Variants in TSPAN18 observed in about 807,000 individuals in gnomAD.
TSPAN18 encodes the protein tetraspanin 18.
TSPAN18 carries 14 observed loss-of-function variants against 27.3 expected under a neutral mutation model. The observed-to-expected ratio is 0.51, with a 90% CI of 0.34 to 0.80. The LOEUF (loss-of-function observed/expected upper bound fraction) is 0.80, where lower values mean the gene tolerates loss of function less well. Among genes scored for constraint, TSPAN18 ranks in the 30% least tolerant of loss-of-function variants. The probability of loss-of-function intolerance (pLI) is 0.01; values close to 1 mark genes in which losing one functional copy is unlikely to be tolerated. For synonymous variants in TSPAN18, 143 were observed against 136.5 expected, an observed-to-expected ratio of 1.05 and a Z score of -0.33; for missense variants, 268 against 323.9, an observed-to-expected ratio of 0.83 and a Z score of 1.32.
chr11:44,767,269 G>C (rs1336285406), intron 2 of TSPAN18, among the ~76,000 whole-genome samples: 1 of 152,168 alleles, frequency 6.6e-6, no homozygotes, highest in Non-Finnish European at 1.5e-5. Context: ...ATCTTTACTG[G>C]AGTCTTTCTG....
At chr11:44,917,832 C>G (rs535716759) in intron 5 of TSPAN18, 140 bp from the exon 6 acceptor site, 3 of 677,226 alleles carry the variant, frequency 4.4e-6, no homozygotes, top group Non-Finnish European at 7.7e-6. Context: ...TGAAAAATGT[C>G]TGATAGCAGT....
intron 2 of TSPAN18, among the ~76,000 whole-genome samples, chr11:44,812,306 A>G (rs1327014892): frequency 6.6e-6 from 1 of 152,156 alleles, no homozygotes; most frequent in East Asian, 1.9e-4. Context: ...CATGAGTGCT[A>G]GCTTGTAATG....
chr11:44,900,445 C>A (rs1463150918), intron 3 of TSPAN18, among the ~76,000 whole-genome samples: 2 of 152,188 alleles, frequency 1.3e-5, no homozygotes, highest in African/African-American at 4.8e-5. Context: ...AATTCTGGCT[C>A]AGGCACTTCT....
chr11:44,907,333 C>T (rs1259623993), intron 4 of TSPAN18, among the ~76,000 whole-genome samples: 4 of 152,290 alleles, frequency 2.6e-5, no homozygotes, highest in Middle Eastern at 3.4e-3. Flanking sequence ...GATCTTAGTA[C>T]AGCCAAGACC....
intron 8 of TSPAN18, among the ~76,000 whole-genome samples, chr11:44,925,981 A>G (rs1042037452): frequency 2.6e-5 from 4 of 152,030 alleles, no homozygotes; most frequent in South Asian, 2.1e-4. Context: ...CTCGATCTCG[A>G]TCTCTGTCTC....
intron 2 of TSPAN18, among the ~76,000 whole-genome samples, chr11:44,785,708 A>G (rs1021318717): frequency 1.3e-5 from 2 of 151,880 alleles, no homozygotes; most frequent in African/African-American, 4.8e-5. Flanking sequence ...CAGTCTATGT[A>G]TTTTGGGTCT....
chr11:44,901,045 A>T (rs964766928), intron 3 of TSPAN18, among the ~76,000 whole-genome samples: 8 of 152,162 alleles, frequency 5.3e-5, no homozygotes, highest in Admixed American at 3.3e-4. Context: ...ATTCAGTTGT[A>T]TGCAGTTTAG....
intron 1 of TSPAN18, among the ~76,000 whole-genome samples, chr11:44,734,941 G>T (rs577786091): frequency 8.5e-5 from 13 of 152,346 alleles, no homozygotes; most frequent in African/African-American, 3.1e-4. Flanking sequence ...AGCCCTTGGG[G>T]AATGAGGCAT....
intron 1 of TSPAN18, among the ~76,000 whole-genome samples, chr11:44,732,266 G>A (rs1413332478): frequency 6.6e-6 from 1 of 152,216 alleles, no homozygotes; most frequent in Non-Finnish European, 1.5e-5. Context: ...TTATCATGGG[G>A]CAGACACTTG....
chr11:44,845,784 T>C (rs1857467022), intron 2 of TSPAN18, among the ~76,000 whole-genome samples: 1 of 152,186 alleles, frequency 6.6e-6, no homozygotes, highest in African/African-American at 2.4e-5. Context: ...TGCCGTCTCC[T>C]TGACACTCTC....
At chr11:44,795,702 C>T (rs180750603) in intron 2 of TSPAN18, among the ~76,000 whole-genome samples, 96 of 151,818 alleles carry the variant, frequency 6.3e-4, no homozygotes, top group African/African-American at 2.1e-3. Context: ...CCCCAGGAGC[C>T]GGAAGAAAGG....
At chr11:44,731,999 C>T (rs985071638) in intron 1 of TSPAN18, among the ~76,000 whole-genome samples, 4 of 152,232 alleles carry the variant, frequency 2.6e-5, no homozygotes, top group Non-Finnish European at 4.4e-5. Context: ...AAGACACTTT[C>T]GACTTTAAGA....
chr11:44,807,125 A>G (rs1856608974), intron 2 of TSPAN18, among the ~76,000 whole-genome samples: 1 of 147,788 alleles, frequency 6.8e-6, no homozygotes, highest in African/African-American at 2.5e-5. Flanking sequence ...TGGGAGACCA[A>G]AGTGGGAGGA....
chr11:44,885,014 A>G (rs1858600753), intron 3 of TSPAN18, among the ~76,000 whole-genome samples: 1 of 152,228 alleles, frequency 6.6e-6, no homozygotes, highest in Admixed American at 6.5e-5. Flanking sequence ...GTTGTCCCAG[A>G]GTCATGCCCA....
chr11:44,927,261 A>G (rs1259828582), intron 9 of TSPAN18, among the ~76,000 whole-genome samples: 1 of 152,146 alleles, frequency 6.6e-6, no homozygotes, highest in African/African-American at 2.4e-5. Context: ...ACCGTTTGCA[A>G]TCACCACTAG....
At chr11:44,773,064 A>C (rs927322826) in intron 2 of TSPAN18, among the ~76,000 whole-genome samples, 7 of 152,178 alleles carry the variant, frequency 4.6e-5, no homozygotes, top group African/African-American at 1.7e-4. Flanking sequence ...ATGCAAACAC[A>C]ATGTGTTTTA....
chr11:44,770,508 A>G (rs1308792119), intron 2 of TSPAN18, among the ~76,000 whole-genome samples: 3 of 152,088 alleles, frequency 2.0e-5, no homozygotes, highest in Non-Finnish European at 4.4e-5. Flanking sequence ...GGTAGTGTGG[A>G]TGGAGAGGAG....
chr11:44,777,373 C>T (rs1453734958), intron 2 of TSPAN18, among the ~76,000 whole-genome samples: 1 of 152,182 alleles, frequency 6.6e-6, no homozygotes, highest in Non-Finnish European at 1.5e-5. Flanking sequence ...GCTGCTGGCT[C>T]AGCCACCTCC....
intron 3 of TSPAN18, among the ~76,000 whole-genome samples, chr11:44,893,185 G>A (rs1164628918): frequency 6.6e-6 from 1 of 152,228 alleles, no homozygotes; most frequent in African/African-American, 2.4e-5. Context: ...GGGACAGGGT[G>A]CCCATCCTGG....
Sources: gnomAD v4.1 joint callset for allele counts (sites outside exome capture counted in the v4.1 genomes callset) on GRCh38, gnomAD v4.1.1 for gene constraint, MANE v1.5 for transcripts, NCBI Gene and HGNC (gene_info 2026-07-23, HGNC 2026-07-21) for gene names.